The following HAUS6 variants were observed in gnomAD, a reference collection of about 807,000 sequenced individuals.
The protein encoded by HAUS6 is HAUS augmin like complex subunit 6, also known as HAUS augmin-like complex subunit 6.
HAUS6 carries 80 observed loss-of-function variants against 106.8 expected under a neutral mutation model. The observed-to-expected ratio is 0.75, with a 90% CI of 0.63 to 0.90. The LOEUF is 0.90. HAUS6 is among the 40% of genes least tolerant of loss of function. The pLI is 0.00. For missense variants in HAUS6, 1,155 were observed against 1,118.1 expected, an observed-to-expected ratio of 1.03 and a Z score of -0.47; for synonymous variants, 356 against 379.1, an observed-to-expected ratio of 0.94 and a Z score of 0.71.
chr9:19,060,384 AGACCATCCAG>A (rs1836581360), intron 14 of HAUS6, among the ~76,000 whole-genome samples, 161 bp from the exon 15 acceptor site: 1 of 152,258 alleles, frequency 6.6e-6, no homozygotes. Context: ...AACTCTGTAT[AGACCATCCAG>A]GTACAATCCT....
intron 15 of HAUS6, among the ~76,000 whole-genome samples, chr9:19,059,702 T>G (rs570154255): frequency 1.9e-4 from 29 of 152,272 alleles, no homozygotes; most frequent in African/African-American, 6.7e-4. Flanking sequence ...TCCGCACACA[T>G]GGTTTATGGC....
intron 2 of HAUS6, among the ~76,000 whole-genome samples, chr9:19,096,212 A>G (rs1817857947): frequency 6.6e-6 from 1 of 152,214 alleles, no homozygotes; most frequent in Admixed American, 6.5e-5. Flanking sequence ...TTAAATGTAT[A>G]AGACTCAAAC....
chr9:19,082,857 A>G lies in HAUS6; in HGVS notation c.870+16T>C, dbSNP rs370907432. On this transcript the variant is annotated intron_variant, in intron 8 of 16. Transcript: ENST00000380502. ...TAGGAGTTTTCTCAAAAGCTTCCTT[A>G]ATATCAAATGCTTACCTGAAACATT... is the stretch of plus-strand genomic sequence containing the variant. 3.5e-4 allele frequency: 482 copies of G among 1,364,950 alleles called. 5 individuals carry two copies. The African/African-American group carries it at 6.6e-3, about 19-fold the overall frequency. The allele number at this position is 1,364,950 out of a possible 1,614,324, so 84.6% of individuals were successfully genotyped here.
At chr9:19,092,617 G>A (rs1451801439) in intron 4 of HAUS6, among the ~76,000 whole-genome samples, 2 of 87,188 alleles carry the variant, frequency 2.3e-5, no homozygotes, top group East Asian at 3.4e-4. Context: ...ACTCCGTCTC[G>A]GAAAAAAAAA....
Position 19,099,785 on chromosome 9 carries a change from C to G in HAUS6, c.128+2739G>C, listed in dbSNP as rs149960267. 1.9e-3 allele frequency among the ~76,000 whole-genome samples: 289 copies of G among 152,288 alleles called. 1 individual carries two copies. The highest frequency in any genetic ancestry group is 6.6e-3 in the African/African-American group (274 of 41,544). ...GTAACTTTGGCAGGGTGCAGTGGCT[C>G]ATGTCTGTAATCCCAGCACTTTGGG... On this transcript the variant is annotated intron_variant, in intron 1 of 16. Coordinates refer to ENST00000380502, the MANE Select transcript of HAUS6 (RefSeq NM_017645.5).
At chr9:19,084,311 C>T in intron 7 of HAUS6, among the ~76,000 whole-genome samples, 1 of 152,092 alleles carries the variant, frequency 6.6e-6, no homozygotes, top group Non-Finnish European at 1.5e-5. Flanking sequence ...CAAAAACAGG[C>T]AAAACTAATC....
At chr9:19,061,978 A>C (rs1836633256) in intron 14 of HAUS6, among the ~76,000 whole-genome samples, 1 of 152,242 alleles carries the variant, frequency 6.6e-6, no homozygotes, top group East Asian at 1.9e-4. Flanking sequence ...GTGTCTCAGG[A>C]ATAAAAAGTA....
At chr9:19,097,913 A>T (rs558140934) in intron 1 of HAUS6, among the ~76,000 whole-genome samples, 1 of 152,348 alleles carries the variant, frequency 6.6e-6, no homozygotes, top group South Asian at 2.1e-4. Context: ...TTTCTGACTT[A>T]GGATTACTAT....
At chr9:19,081,999 A>T (rs185682465) in intron 8 of HAUS6, among the ~76,000 whole-genome samples, 1 of 152,314 alleles carries the variant, frequency 6.6e-6, no homozygotes, top group East Asian at 1.9e-4. Context: ...TTCTAAGAAA[A>T]CAAAAAAGTA....
chr9:19,059,132 T>G (rs905054594), intron 15 of HAUS6, 131 bp from the exon 16 acceptor site: 1 of 608,576 alleles, frequency 1.6e-6, no homozygotes. Flanking sequence ...ACTGGTTGGA[T>G]GATAAGCCTC....
rs777219006 is a variant in HAUS6, at chr9:19,078,196, G to T, written c.1171C>A (p.Leu391Ile). 2 of 1,605,250 alleles carry T rather than the reference G, an allele frequency of 1.2e-6. No individual in the cohort carries two copies. The highest frequency in any genetic ancestry group is 2.2e-5 in the East Asian group (1 of 44,810). ...KEFLGLSPFS[L>I]IKGWTPSVDL... ...CTTACTGGAGTCCAACCTTTAATTAGACTGAAAGGAGACAAACCAAGAAAT... is the reference window on the plus strand; with the variant it reads ...CTTACTGGAGTCCAACCTTTAATTATACTGAAAGGAGACAAACCAAGAAAT... Residue 391 changes from leucine (L) to isoleucine (I), a missense_variant, in exon 10 of 17, where the codon CTA becomes ATA. Leu to Ile is a conservative substitution (Grantham distance 5). Coordinates refer to ENST00000380502, the MANE Select transcript of HAUS6 (RefSeq NM_017645.5).
chr9:19,056,259 A>G lies in HAUS6; in HGVS notation c.*84T>C, dbSNP rs1408312466. 4.0e-6 allele frequency: 3 copies of G among 749,224 alleles called. No individual in the cohort carries two copies. Among genetic ancestry groups the G allele is most frequent in the East Asian group, 4.9e-5 (2 of 40,462 alleles). 46.4% of individuals were successfully genotyped at this position (749,224 alleles called of 1,614,324 possible). ...TGAAAAACAGTGTTACACTTCCAAC[A>G]TGTATTTAAGTTGTAATTCATTTTC... is the stretch of plus-strand genomic sequence containing the variant. On this transcript the variant is annotated 3_prime_UTR_variant, in exon 17 of 17. Transcript: ENST00000380502.
chr9:19,071,782 C>T (rs1290340040), intron 11 of HAUS6, among the ~76,000 whole-genome samples: 3 of 151,898 alleles, frequency 2.0e-5, no homozygotes, highest in African/African-American at 4.8e-5. Flanking sequence ...CACTTTATTG[C>T]CCAGGTTGGT....
chr9:19,087,208 T>C, intron 5 of HAUS6, 52 bp from the exon 6 acceptor site: 1 of 956,438 alleles, frequency 1.0e-6, no homozygotes, highest in African/African-American at 1.6e-5. Flanking sequence ...GATTAATTAG[T>C]ATAGCCCACT....
rs1836428291 is a variant in HAUS6, at chr9:19,054,474, T to A, written c.*1869A>T. ...TGACAGATCTGAGATACTTTTTGTT[T>A]ATGGTACTGGCATATGAAGAACAGG... On this transcript the variant is annotated 3_prime_UTR_variant, in exon 17 of 17. Transcript: ENST00000380502. 1.3e-5 allele frequency: 2 copies of A among 152,238 alleles called. No individual in the cohort carries two copies. The highest frequency in any genetic ancestry group is 6.5e-5 in the Admixed American group (1 of 15,282). The allele number at this position is 152,238 out of a possible 1,614,324, so 9.4% of individuals were successfully genotyped here.
At chr9:19,096,862 T>C (rs990800967) in intron 1 of HAUS6, 93 bp from the exon 2 acceptor site, 1 of 576,824 alleles carries the variant, frequency 1.7e-6, no homozygotes, top group Non-Finnish European at 3.0e-6. Flanking sequence ...CACAAATTAA[T>C]GTTTTCATTC....
At position 19,094,283 on chromosome 9, in the gene HAUS6, A is replaced by C. The variant is rs191637095; in HGVS notation, c.303+34T>G. Reference sequence around the variant, plus strand: ...GAGTTAAAGTAGTTTTTAACTTCTTAAAGTCTGTATCTTCTAACAAAAAGA... The same window carrying C: ...GAGTTAAAGTAGTTTTTAACTTCTTCAAGTCTGTATCTTCTAACAAAAAGA... On this transcript the variant is annotated intron_variant, in intron 3 of 16. Transcript: ENST00000380502. 146 of 1,270,028 alleles carry C rather than the reference A, an allele frequency of 1.1e-4. No homozygotes were observed. In the African/African-American group the frequency reaches 2.0e-3, roughly 17 times the overall value. 78.7% of individuals were successfully genotyped at this position (1,270,028 alleles called of 1,614,324 possible). A position where few individuals can be genotyped will look rare whatever the true frequency, so the allele number is the denominator to read the frequency against.
chr9:19,071,573 C>CTTT (rs34684530), intron 11 of HAUS6, among the ~76,000 whole-genome samples: 23 of 109,406 alleles, frequency 2.1e-4, no homozygotes, highest in Admixed American at 1.5e-3. Context: ...AAAATATTTT[C>CTTT]TTTTTTTTTT....
chr9:19,095,462 T>A lies in HAUS6; in HGVS notation c.225-1067A>T, dbSNP rs1445560022. On this transcript the variant is annotated intron_variant, in intron 2 of 16. Coordinates refer to ENST00000380502, the MANE Select transcript of HAUS6 (RefSeq NM_017645.5). ...AAAACAATTTTTACATTTTCCTATA[T>A]TTTCTGAATTACTTAAAATGAGCCA... is the stretch of plus-strand genomic sequence containing the variant. Among the ~76,000 whole-genome samples, 3 of 151,810 alleles carry A rather than the reference T, an allele frequency of 2.0e-5. No individual in the cohort carries two copies. The East Asian group carries it at 5.8e-4, about 29-fold the overall frequency.
Sources: gnomAD v4.1 joint callset for allele counts (sites outside exome capture counted in the v4.1 genomes callset) on GRCh38, gnomAD v4.1.1 for gene constraint, MANE v1.5 for transcripts, NCBI Gene and HGNC (gene_info 2026-07-23, HGNC 2026-07-21) for gene names.